SLC4A10: variants seen among roughly 807,000 people sequenced by gnomAD.
SLC4A10 encodes the protein sodium-driven chloride bicarbonate exchanger.
SLC4A10 carries 42 observed loss-of-function variants against 137.7 expected under a neutral mutation model. The observed-to-expected ratio is 0.30, with a 90% CI of 0.24 to 0.39. The LOEUF is 0.39. Among genes scored for constraint, SLC4A10 ranks in the 10% least tolerant of loss-of-function variants. The probability of loss-of-function intolerance (pLI) is 1.00; values close to 1 mark genes in which losing one functional copy is unlikely to be tolerated. For synonymous variants in SLC4A10, 474 were observed against 464.1 expected, an observed-to-expected ratio of 1.02 and a Z score of -0.27; for missense variants, 925 against 1,355.0, an observed-to-expected ratio of 0.68 and a Z score of 4.98.
rs578105524 is a variant in SLC4A10 at position 161,980,370 on chromosome 2, T to C, written c.*26+2610T>C. Reference sequence around the variant, plus strand: ...ATTATTCATAAAAACAACTTTAGCCTGGGCGTGGTGGCTCAGGCCTATAAT... The same window carrying C: ...ATTATTCATAAAAACAACTTTAGCCCGGGCGTGGTGGCTCAGGCCTATAAT... On this transcript the variant is annotated intron_variant, in intron 26 of 26. Coordinates refer to ENST00000446997, the MANE Select transcript of SLC4A10 (RefSeq NM_001178015.2). 9.9e-5 allele frequency among the ~76,000 whole-genome samples: 15 copies of C among 152,236 alleles called. No individual in the cohort carries two copies. In the East Asian group the frequency reaches 2.9e-3, roughly 30 times the overall value.
chr2:161,808,913 T>G (rs559707436), intron 3 of SLC4A10, among the ~76,000 whole-genome samples: 1 of 152,256 alleles, frequency 6.6e-6, no homozygotes, highest in Non-Finnish European at 1.5e-5. Flanking sequence ...GATTCATTTT[T>G]CTTTGAGTAT....
rs574236373 is a variant in SLC4A10 at position 161,628,784 on chromosome 2, C to T, written c.48+4218C>T. ...GGAAATAAAATATATGTATAAAATG[C>T]TAAGGTTGGGAATGAGTGGTAGAAT... On this transcript the variant is annotated intron_variant, in intron 1 of 26. Coordinates refer to ENST00000446997, the MANE Select transcript of SLC4A10 (RefSeq NM_001178015.2). 5.1e-4 allele frequency among the ~76,000 whole-genome samples: 78 copies of T among 151,954 alleles called. No individual in the cohort carries two copies. The Middle Eastern group carries it at 0.017, about 33-fold the overall frequency.
intron 15 of SLC4A10, among the ~76,000 whole-genome samples, chr2:161,914,495 C>A (rs1686623560): frequency 6.6e-6 from 1 of 152,106 alleles, no homozygotes; most frequent in Non-Finnish European, 1.5e-5. Flanking sequence ...GCTTCAACTC[C>A]CCCTACTATA....
chr2:161,814,959 A>G (rs370165543), intron 3 of SLC4A10, among the ~76,000 whole-genome samples: 59 of 152,294 alleles, frequency 3.9e-4, no homozygotes, highest in Middle Eastern at 3.4e-3. Context: ...TACCAAACGT[A>G]AAGAAAGAAA....
At chr2:161,719,873 T>C (rs1288946007) in intron 1 of SLC4A10, among the ~76,000 whole-genome samples, 2 of 152,114 alleles carry the variant, frequency 1.3e-5, no homozygotes, top group East Asian at 1.9e-4. Flanking sequence ...TAGTTTCTTT[T>C]GCTGTGCAGA....
At chr2:161,784,729 C>T (rs1306996438) in intron 2 of SLC4A10, among the ~76,000 whole-genome samples, 2 of 151,104 alleles carry the variant, frequency 1.3e-5, no homozygotes, top group Non-Finnish European at 3.0e-5. Flanking sequence ...TATACCAAAA[C>T]TTATGGTATA....
chr2:161,852,134 A>T (rs770801858), intron 4 of SLC4A10, among the ~76,000 whole-genome samples: 1 of 152,204 alleles, frequency 6.6e-6, no homozygotes. Context: ...AATCAATTGT[A>T]TAAACAGGGA....
intron 15 of SLC4A10, among the ~76,000 whole-genome samples, chr2:161,913,031 C>T (rs149891893): frequency 6.6e-6 from 1 of 152,214 alleles, no homozygotes; most frequent in Non-Finnish European, 1.5e-5. Flanking sequence ...GTCAAAGTAT[C>T]AAAAACAGGA....
chr2:161,646,115 GC>G (rs2035995821), intron 1 of SLC4A10, among the ~76,000 whole-genome samples: 1 of 151,934 alleles, frequency 6.6e-6, no homozygotes, highest in Non-Finnish European at 1.5e-5. Context: ...AGTGCTAATA[GC>G]TTTTTTGGGA....
At chr2:161,846,057 G>A (rs576147757) in intron 4 of SLC4A10, among the ~76,000 whole-genome samples, 33 of 152,208 alleles carry the variant, frequency 2.2e-4, no homozygotes, top group East Asian at 2.1e-3. Context: ...CAGACAGAAA[G>A]TATTTGTAAA....
At chr2:161,683,996 A>G (rs1321613193) in intron 1 of SLC4A10, among the ~76,000 whole-genome samples, 1 of 152,150 alleles carries the variant, frequency 6.6e-6, no homozygotes, top group East Asian at 1.9e-4. Context: ...GAACTTTTCC[A>G]TCATCCTATA....
intron 1 of SLC4A10, among the ~76,000 whole-genome samples, chr2:161,721,754 C>T (rs2045703175): frequency 6.6e-6 from 1 of 152,166 alleles, no homozygotes. Flanking sequence ...TGGGGAATTT[C>T]CCTCGGATGA....
intron 1 of SLC4A10, among the ~76,000 whole-genome samples, chr2:161,767,139 A>ATATATATGTG (rs1362865580): frequency 2.3e-4 from 13 of 57,124 alleles, no homozygotes; most frequent in African/African-American, 3.9e-4. Flanking sequence ...ATATATATAT[A>ATATATATGTG]TGTGTGTGTG....
At chr2:161,882,281 G>T in intron 9 of SLC4A10, 76 bp from the exon 10 acceptor site, 1 of 782,730 alleles carries the variant, frequency 1.3e-6, no homozygotes, top group Non-Finnish European at 2.0e-6. Flanking sequence ...TAATTCCTTT[G>T]AGATGAGTGA....
Position 161,879,187 on chromosome 2 carries a change from A to G in SLC4A10, c.1005A>G (p.Leu335=). ...CAGGTGCTGAAGCATCGAACATCTT[A>G]GTGGGAGAACTGGAGTTCTTGGATC... ...IPPGAEASNI[L]VGELEFLDRT... The change falls in exon 9 of 27, where the codon TTA becomes TTG. Residue 335 remains leucine, a synonymous_variant. Transcript: ENST00000446997. The G allele has an allele frequency of 6.2e-7, 1 of 1,613,578 alleles. No individual in the cohort carries two copies. The highest frequency in any genetic ancestry group is 8.5e-7 in the Non-Finnish European group (1 of 1,179,606).
intron 1 of SLC4A10, among the ~76,000 whole-genome samples, chr2:161,697,794 T>G (rs1350296243): frequency 6.6e-6 from 1 of 152,232 alleles, no homozygotes; most frequent in South Asian, 2.1e-4. Flanking sequence ...TGCGGACTCT[T>G]TTTTGGTTCC....
rs1470777090 is a variant in SLC4A10, at chr2:161,984,895, A to G, written c.*1743A>G. The stretch of plus-strand genomic sequence containing the variant: ...CAAAGCAGCCTCTTAGTGTTTTAAT[A>G]TATTAATAACTGTTTTGTTAAAAAT... On this transcript the variant is annotated 3_prime_UTR_variant, in exon 27 of 27. Transcript: ENST00000446997. 8 of 152,016 alleles carry G rather than the reference A, an allele frequency of 5.3e-5. No homozygotes were observed. The highest frequency in any genetic ancestry group is 4.6e-4 in the Admixed American group (7 of 15,272). The allele number at this position is 152,016 out of a possible 1,614,324, so 9.4% of individuals were successfully genotyped here.
intron 3 of SLC4A10, among the ~76,000 whole-genome samples, chr2:161,808,828 A>G (rs1040702702): frequency 1.3e-5 from 2 of 152,030 alleles, no homozygotes; most frequent in African/African-American, 4.8e-5. Flanking sequence ...AAGGAAACCT[A>G]GTTGATTCCA....
At chr2:161,721,725 T>A (rs540497272) in intron 1 of SLC4A10, among the ~76,000 whole-genome samples, 1 of 152,342 alleles carries the variant, frequency 6.6e-6, no homozygotes, top group Non-Finnish European at 1.5e-5. Context: ...AATTTGAATG[T>A]TGGCCTGTCT....
Sources: gnomAD v4.1 joint callset for allele counts (sites outside exome capture counted in the v4.1 genomes callset) on GRCh38, gnomAD v4.1.1 for gene constraint, MANE v1.5 for transcripts, NCBI Gene and HGNC (gene_info 2026-07-23, HGNC 2026-07-21) for gene names.